ZMIZ2: variants seen among roughly 807,000 people sequenced by gnomAD.
ZMIZ2 encodes zinc finger MIZ domain-containing protein 2.
ZMIZ2 carries 26 observed loss-of-function variants against 93.9 expected under a neutral mutation model. That is an observed-to-expected ratio of 0.28 (90% confidence interval 0.20 to 0.38). The LOEUF is 0.38. Among genes scored for constraint, ZMIZ2 ranks in the 10% least tolerant of loss-of-function variants. The probability of loss-of-function intolerance (pLI) is 1.00; values close to 1 mark genes in which losing one functional copy is unlikely to be tolerated. For missense variants in ZMIZ2, 1,023 were observed against 1,235.0 expected (o/e 0.83, Z 2.57); for synonymous variants, 485 against 516.4 (o/e 0.94, Z 0.82).
At chr7:44,764,553 C>G (rs1410835922) in intron 14 of ZMIZ2, 67 bp downstream of exon 14, 2 of 1,529,034 alleles carry the variant, frequency 1.3e-6, no homozygotes, top group Middle Eastern at 1.7e-4. Context: ...ATGGGTGAAA[C>G]CTCCAACAGC....
At chr7:44,767,443 TG>T in intron 18 of ZMIZ2, 72 bp from the exon 19 acceptor site, 1 of 1,256,974 alleles carries the variant, frequency 8.0e-7, no homozygotes, top group Non-Finnish European at 1.2e-6. Flanking sequence ...GGCCGGGATG[TG>T]GTGACAGGAT....
intron 9 of ZMIZ2, 83 bp downstream of exon 9, chr7:44,760,676 A>G: frequency 6.6e-7 from 1 of 1,519,254 alleles, no homozygotes; most frequent in Admixed American, 1.9e-5. Context: ...AGAGTCCTGT[A>G]GGAGCTTGGG....
chr7:44,765,216 T>C lies in ZMIZ2; in HGVS notation c.1998-119T>C, dbSNP rs1791580151. 1 of 1,546,248 alleles carries C rather than the reference T, an allele frequency of 6.5e-7. No homozygotes were observed. Among genetic ancestry groups the C allele is most frequent in the Non-Finnish European group, 8.7e-7 (1 of 1,145,094 alleles). Reference sequence around the variant, plus strand: ...CCTGCTCGATGTGGAAGGTGCTGGGTGGAAGCAAGCATTTGAGTGGGGGAA... The same window carrying C: ...CCTGCTCGATGTGGAAGGTGCTGGGCGGAAGCAAGCATTTGAGTGGGGGAA... On this transcript the variant is annotated intron_variant, in intron 15 of 18. Coordinates refer to ENST00000309315, the MANE Select transcript of ZMIZ2 (RefSeq NM_031449.4). The surrounding 1 kb of genome is among the most constrained non-coding windows in gnomAD (Gnocchi z 4.1).
intron 5 of ZMIZ2, 45 bp from the exon 6 acceptor site, chr7:44,757,803 C>T: frequency 6.6e-7 from 1 of 1,513,792 alleles, no homozygotes; most frequent in Non-Finnish European, 8.8e-7. Context: ...TTTTGGAGCC[C>T]TTTGTGGGTG....
Position 44,765,678 on chromosome 7 carries a change from G to C in ZMIZ2, c.2242+99G>C. On this transcript the variant is annotated intron_variant, in intron 16 of 18. Coordinates refer to ENST00000309315, the MANE Select transcript of ZMIZ2 (RefSeq NM_031449.4). The surrounding 1 kb of genome is among the most constrained non-coding windows in gnomAD (Gnocchi z 4.1). Reference sequence around the variant, plus strand: ...CACCTGCAAGAATGTGGCTATGCAGGTCACACACCTAGGTTATCAGTGTTG... The same window carrying C: ...CACCTGCAAGAATGTGGCTATGCAGCTCACACACCTAGGTTATCAGTGTTG... 1.3e-6 allele frequency: 2 copies of C among 1,493,898 alleles called. No homozygotes were observed. The highest frequency in any genetic ancestry group is 1.8e-6 in the Non-Finnish European group (2 of 1,110,738). The allele number at this position is 1,493,898 out of a possible 1,614,324, so 92.5% of individuals were successfully genotyped here.
chr7:44,765,416 G>A lies in ZMIZ2; in HGVS notation c.2079G>A (p.Glu693=). 6.2e-7 allele frequency: 1 copy of A among 1,611,958 alleles called. No individual in the cohort carries two copies. Residue 693 remains glutamate, a synonymous_variant, in exon 16 of 19, where the codon GAG becomes GAA. Transcript: ENST00000309315. The surrounding 1 kb of genome is among the most constrained non-coding windows in gnomAD (Gnocchi z 4.1). ...TGAAGCCTGACATGCACATCAAGGAGGAGCCGGATGGGCCAGCACTGAAGC... is the reference window on the plus strand; with the variant it reads ...TGAAGCCTGACATGCACATCAAGGAAGAGCCGGATGGGCCAGCACTGAAGC... ...VPVKPDMHIK[E]EPDGPALKRC... is the part of the protein sequence containing the mutation.
intron 3 of ZMIZ2, 64 bp downstream of exon 3, chr7:44,756,603 G>A: frequency 6.5e-7 from 1 of 1,542,462 alleles, no homozygotes. Flanking sequence ...GCAGTGCTTA[G>A]TGCCTCCTCA....
rs1469133833 is a variant in ZMIZ2 at position 44,765,235 on chromosome 7, G to A, written c.1998-100G>A. On this transcript the variant is annotated intron_variant, in intron 15 of 18. Coordinates refer to ENST00000309315, the MANE Select transcript of ZMIZ2 (RefSeq NM_031449.4). The surrounding 1 kb of genome is among the most constrained non-coding windows in gnomAD (Gnocchi z 4.1). ...GCTGGGTGGAAGCAAGCATTTGAGT[G>A]GGGGAACCTGCCTGGAAACAGCCCA... 3.8e-6 allele frequency: 6 copies of A among 1,564,724 alleles called. No homozygotes were observed. Among genetic ancestry groups the A allele is most frequent in the Non-Finnish European group, 5.2e-6 (6 of 1,155,962 alleles).
At position 44,766,763 on chromosome 7, in the gene ZMIZ2, A is replaced by G. The variant is rs1583663726; in HGVS notation, c.2655+100A>G. ...CTGGAAGGGAAGACAGTGACCCCTCAGAGAGCCGGTCAGATAAGGTCAACT... is the reference window on the plus strand; with the variant it reads ...CTGGAAGGGAAGACAGTGACCCCTCGGAGAGCCGGTCAGATAAGGTCAACT... On this transcript the variant is annotated intron_variant, in intron 18 of 18. Coordinates refer to ENST00000309315, the MANE Select transcript of ZMIZ2 (RefSeq NM_031449.4). The surrounding 1 kb of genome is among the most constrained non-coding windows in gnomAD (Gnocchi z 4.4). 2 of 1,542,202 alleles carry G rather than the reference A, an allele frequency of 1.3e-6. No individual in the cohort carries two copies. The highest frequency in any genetic ancestry group is 2.3e-5 in the East Asian group (1 of 44,060).
intron 4 of ZMIZ2, 95 bp downstream of exon 4, chr7:44,757,244 C>T: frequency 1.3e-6 from 2 of 1,505,566 alleles, no homozygotes; most frequent in Non-Finnish European, 1.8e-6. Flanking sequence ...CGTTCCCTCT[C>T]TGCTTCCTGA....
Position 44,761,836 on chromosome 7 carries a change from A to T in ZMIZ2, c.1527A>T (p.Pro509=). Residue 509 remains proline (P), a synonymous_variant, in exon 11 of 19, where the codon CCA becomes CCT. Coordinates refer to ENST00000309315, the MANE Select transcript of ZMIZ2 (RefSeq NM_031449.4). The surrounding 1 kb of genome is among the most constrained non-coding windows in gnomAD (Gnocchi z 5.8). ...GCGACAACAAGACCTCGCACAAGCC[A>T]CTCTACCTGAAGCATGTGTGCCAGC... is the stretch of plus-strand genomic sequence containing the variant. ...ERGDNKTSHK[P]LYLKHVCQPG... 1 of 1,613,894 alleles carries T rather than the reference A, an allele frequency of 6.2e-7. No homozygotes were observed. Among genetic ancestry groups the T allele is most frequent in the Non-Finnish European group, 8.5e-7 (1 of 1,180,002 alleles).
Position 44,766,727 on chromosome 7 carries a change from C to G in ZMIZ2, c.2655+64C>G, listed in dbSNP as rs1158707821. ...CAGGGCTAGAGGTGGTGTGTCTGTTCCAGGTGCGTTCTGGAAGGGAAGACA... is the reference window on the plus strand; with the variant it reads ...CAGGGCTAGAGGTGGTGTGTCTGTTGCAGGTGCGTTCTGGAAGGGAAGACA... On this transcript the variant is annotated intron_variant, in intron 18 of 18. Coordinates refer to ENST00000309315, the MANE Select transcript of ZMIZ2 (RefSeq NM_031449.4). This position sits in a 1 kb window ranked among gnomAD's most constrained non-coding sequence, Gnocchi z 4.4. The G allele has an allele frequency of 1.9e-6, 3 of 1,589,122 alleles. No homozygotes were observed. The highest frequency in any genetic ancestry group is 2.6e-6 in the Non-Finnish European group (3 of 1,164,812).
Position 44,766,595 on chromosome 7 carries a change from C to T in ZMIZ2, c.2587C>T (p.Pro863Ser). 1 of 1,613,520 alleles carries T rather than the reference C, an allele frequency of 6.2e-7. No individual in the cohort carries two copies. The highest frequency in any genetic ancestry group is 1.3e-5 in the African/African-American group (1 of 75,062). Residue 863 changes from proline to serine, a missense_variant, in exon 18 of 19, where the codon CCT (proline) becomes TCT (serine). Physicochemically the swap from Pro to Ser is moderately conservative, Grantham distance 74. Around this residue, in one of 3 missense-constraint regions of ZMIZ2, gnomAD observed 319 missense variants for 358.8 expected, o/e 0.89. Coordinates refer to ENST00000309315, the MANE Select transcript of ZMIZ2 (RefSeq NM_031449.4). This position sits in a 1 kb window ranked among gnomAD's most constrained non-coding sequence, Gnocchi z 4.4. Reference protein sequence around the residue: ...LGPTGELAFSPATGVMGPPSM... With the variant: ...LGPTGELAFSSATGVMGPPSM... ...ACCTACGGGTGAACTGGCCTTCAGT[C>T]CTGCCACAGGCGTGATGGGGCCCCC...
chr7:44,758,150 C>T (rs777193720), intron 6 of ZMIZ2, 42 bp downstream of exon 6: 3 of 1,497,076 alleles, frequency 2.0e-6, no homozygotes, highest in Non-Finnish European at 2.7e-6. Flanking sequence ...TGGGTACCAA[C>T]TCCCTCACCC....
intron 1 of ZMIZ2, among the ~76,000 whole-genome samples, chr7:44,754,877 CTG>C (rs1315813488): frequency 6.6e-6 from 1 of 152,206 alleles, no homozygotes; most frequent in Non-Finnish European, 1.5e-5. Flanking sequence ...CAGTGTTCCT[CTG>C]TGGATAGCCT....
Position 44,757,367 on chromosome 7 carries a change from G to A in ZMIZ2, c.369-11G>A, listed in dbSNP as rs1356518855. 9 of 1,596,598 alleles carry A rather than the reference G, an allele frequency of 5.6e-6. No homozygotes were observed. The East Asian group carries it at 1.1e-4, about 20-fold the overall frequency. On this transcript the variant is annotated splice_polypyrimidine_tract_variant and intron_variant, in intron 4 of 18. Transcript: ENST00000309315. The stretch of plus-strand genomic sequence containing the variant: ...CACGCAGAGAGCGTGGCAATCCTGT[G>A]TCTCCTGCAGGTATGCAGGCGGCCC...
intron 1 of ZMIZ2, among the ~76,000 whole-genome samples, chr7:44,754,800 G>A (rs1303873929): frequency 6.6e-6 from 1 of 152,192 alleles, no homozygotes; most frequent in African/African-American, 2.4e-5. Context: ...AAAGGGAGTA[G>A]TATCCAAGGC....
chr7:44,765,219 A>G lies in ZMIZ2; in HGVS notation c.1998-116A>G. On this transcript the variant is annotated intron_variant, in intron 15 of 18. Transcript: ENST00000309315. This position sits in a 1 kb window ranked among gnomAD's most constrained non-coding sequence, Gnocchi z 4.1. Reference sequence around the variant, plus strand: ...GCTCGATGTGGAAGGTGCTGGGTGGAAGCAAGCATTTGAGTGGGGGAACCT... The same window carrying G: ...GCTCGATGTGGAAGGTGCTGGGTGGGAGCAAGCATTTGAGTGGGGGAACCT... The G allele has an allele frequency of 6.5e-7, 1 of 1,550,210 alleles. No homozygotes were observed. The highest frequency in any genetic ancestry group is 8.7e-7 in the Non-Finnish European group (1 of 1,147,258).
In ZMIZ2 at chr7:44,756,984, C is replaced by G. The variant is rs537081135; in HGVS notation, c.203C>G (p.Ser68Cys). The G allele has an allele frequency of 1.9e-6, 3 of 1,612,712 alleles. No individual in the cohort carries two copies. The African/African-American group carries it at 4.0e-5, about 22-fold the overall frequency. ...GNPMGPAGSPSGSSMMPGVAG... is the reference protein window; with the variant it reads ...GNPMGPAGSPCGSSMMPGVAG... ...CCCATGGGCCCTGCAGGGAGTCCCT[C>G]TGGCAGCTCCATGATGCCTGGTGTG... The change falls in exon 4 of 19, where the codon TCT becomes TGT. Residue 68 changes from serine (S) to cysteine (C), a missense_variant. Physicochemically the swap from Ser to Cys is moderately radical, Grantham distance 112. Transcript: ENST00000309315.
Sources: allele counts gnomAD v4.1 joint callset (sites outside exome capture counted in the v4.1 genomes callset), GRCh38; gene constraint gnomAD v4.1.1; regional missense constraint gnomAD v4.1.1; non-coding constraint Gnocchi (gnomAD v3.1); transcripts MANE v1.5; gene names NCBI Gene and HGNC (gene_info 2026-07-23, HGNC 2026-07-21).